SBF2: variants seen among roughly 807,000 people sequenced by gnomAD.
The protein encoded by SBF2 is myotubularin-related protein 13.
SBF2 carries 112 observed loss-of-function variants against 225.2 expected under a neutral mutation model. The ratio of observed to expected loss-of-function variants is 0.50; its 90% CI spans 0.43 to 0.58. SBF2 has a LOEUF of 0.58. Ranked by LOEUF, SBF2 falls within the 20% of genes least tolerant of loss-of-function variation. The probability of loss-of-function intolerance (pLI) is 0.00; values close to 1 mark genes in which losing one functional copy is unlikely to be tolerated. For missense variants in SBF2, 1,996 were observed against 2,206.2 expected (o/e 0.90, Z 1.91); for synonymous variants, 763 against 773.3 (o/e 0.99, Z 0.22).
chr11:10,249,793 G>T (rs1365698787), intron 1 of SBF2, among the ~76,000 whole-genome samples: 49 of 91,638 alleles, frequency 5.3e-4, no homozygotes, highest in African/African-American at 1.9e-3. Context: ...TGCTATGGGG[G>T]AGTCCATAGC....
chr11:9,894,682 T>A (rs1267064035), intron 17 of SBF2, among the ~76,000 whole-genome samples: 1 of 151,418 alleles, frequency 6.6e-6, no homozygotes, highest in East Asian at 2.0e-4. Context: ...AAACACTGCC[T>A]CAAAAAAATA....
rs181987064 is a variant in SBF2, at chr11:10,133,360, T to C, written c.141+60542A>G. 2.5e-4 allele frequency among the ~76,000 whole-genome samples: 37 copies of C among 149,434 alleles called. 2 individuals are homozygous for C. Among genetic ancestry groups the C allele is most frequent in the African/African-American group, 5.2e-4 (21 of 40,580 alleles). Reference sequence around the variant, plus strand: ...CTGGGTGCCGTGGAGCAGGGGGTGGTGCTTGTCGGGGAGGCTCGGGCCGCA... The same window carrying C: ...CTGGGTGCCGTGGAGCAGGGGGTGGCGCTTGTCGGGGAGGCTCGGGCCGCA... On this transcript the variant is annotated intron_variant, in intron 2 of 39. Coordinates refer to ENST00000256190, the MANE Select transcript of SBF2 (RefSeq NM_030962.4).
intron 2 of SBF2, among the ~76,000 whole-genome samples, chr11:10,094,660 G>A (rs1257262980): frequency 3.3e-5 from 5 of 150,614 alleles, no homozygotes; most frequent in African/African-American, 9.7e-5. Context: ...CCGCCACGAC[G>A]CCTGGCTAAT....
chr11:9,868,004 T>G (rs1264816043), intron 17 of SBF2, among the ~76,000 whole-genome samples: 3 of 152,136 alleles, frequency 2.0e-5, no homozygotes, highest in African/African-American at 7.2e-5. Flanking sequence ...TAGCTAGATT[T>G]GAAATGTTCC....
intron 16 of SBF2, among the ~76,000 whole-genome samples, chr11:9,903,047 C>T (rs577715989): frequency 9.9e-5 from 15 of 151,970 alleles, no homozygotes; most frequent in South Asian, 8.3e-4. Flanking sequence ...ATTGGCCGTG[C>T]GCGGTGACTC....
In SBF2 at chr11:9,948,790, T is replaced by G. The variant is rs1865701670; in HGVS notation, c.1860+13167A>C. ...AAAAGATAAGCATCATTAGCTTAAA[T>G]TCATCCAAAACCATATGATTCATTC... On this transcript the variant is annotated intron_variant, in intron 16 of 39. Coordinates refer to ENST00000256190, the MANE Select transcript of SBF2 (RefSeq NM_030962.4). 3.3e-5 allele frequency among the ~76,000 whole-genome samples: 5 copies of G among 152,222 alleles called. No individual in the cohort carries two copies. The South Asian group carries it at 1.0e-3, about 32-fold the overall frequency.
At chr11:10,200,335 T>G (rs1309870393) in intron 1 of SBF2, among the ~76,000 whole-genome samples, 1 of 152,226 alleles carries the variant, frequency 6.6e-6, no homozygotes. Context: ...TAGGTGCATG[T>G]TTCTCAGAAC....
intron 6 of SBF2, among the ~76,000 whole-genome samples, chr11:10,005,052 G>C (rs544022183): frequency 1.3e-5 from 2 of 152,272 alleles, no homozygotes; most frequent in Admixed American, 6.5e-5. Flanking sequence ...GTGATGGTCA[G>C]GTGATTATTA....
intron 6 of SBF2, among the ~76,000 whole-genome samples, chr11:10,017,380 A>G (rs1165255071): frequency 6.6e-6 from 1 of 152,190 alleles, no homozygotes; most frequent in African/African-American, 2.4e-5. Flanking sequence ...CCAACCCACA[A>G]CGGGGAAAAC....
At chr11:9,906,855 A>T (rs1306833417) in intron 16 of SBF2, among the ~76,000 whole-genome samples, 1 of 152,204 alleles carries the variant, frequency 6.6e-6, no homozygotes, top group Non-Finnish European at 1.5e-5. Flanking sequence ...TTCCTGCTAC[A>T]ATTGAAGAGT....
At chr11:10,056,283 C>T (rs1421840691) in intron 2 of SBF2, among the ~76,000 whole-genome samples, 8 of 152,060 alleles carry the variant, frequency 5.3e-5, no homozygotes, top group Non-Finnish European at 1.2e-4. Flanking sequence ...TGAAGAATGT[C>T]GTTGGTAGTT....
At chr11:10,180,361 G>A (rs554810685) in intron 2 of SBF2, among the ~76,000 whole-genome samples, 1 of 152,046 alleles carries the variant, frequency 6.6e-6, no homozygotes, top group South Asian at 2.1e-4. Flanking sequence ...TAGGATAAAA[G>A]CCTCTTTCCT....
At chr11:10,289,556 G>C (rs908837712) in intron 1 of SBF2, among the ~76,000 whole-genome samples, 5 of 152,110 alleles carry the variant, frequency 3.3e-5, no homozygotes, top group Admixed American at 2.0e-4. Context: ...CCCTGCCTAG[G>C]GGGGTGCCTC....
chr11:9,930,858 T>A (rs1425169663), intron 16 of SBF2, among the ~76,000 whole-genome samples: 2 of 152,202 alleles, frequency 1.3e-5, no homozygotes, highest in African/African-American at 4.8e-5. Flanking sequence ...AGGGAAGCCA[T>A]GACAGACTGC....
At chr11:10,222,348 A>AT (rs1456265472) in intron 1 of SBF2, among the ~76,000 whole-genome samples, 1 of 152,218 alleles carries the variant, frequency 6.6e-6, no homozygotes, top group African/African-American at 2.4e-5. Flanking sequence ...ATCAGCATAG[A>AT]TTTTCAAGCA....
intron 28 of SBF2, among the ~76,000 whole-genome samples, chr11:9,829,100 C>G (rs1363729788): frequency 2.0e-5 from 3 of 152,158 alleles, no homozygotes; most frequent in South Asian, 2.1e-4. Flanking sequence ...CACAGTGAGA[C>G]CCCATCTCTT....
intron 17 of SBF2, among the ~76,000 whole-genome samples, chr11:9,890,896 G>A (rs1860748179): frequency 6.6e-6 from 1 of 152,148 alleles, no homozygotes; most frequent in African/African-American, 2.4e-5. Context: ...CACTTTGGGA[G>A]GTCGAGACAG....
chr11:9,992,667 A>G, intron 11 of SBF2, 124 bp from the exon 12 acceptor site: 1 of 871,414 alleles, frequency 1.1e-6, no homozygotes. Context: ...ATATGCTGTC[A>G]TAAAATATAT....
intron 1 of SBF2, among the ~76,000 whole-genome samples, chr11:10,253,605 T>A (rs1960581868): frequency 1.3e-5 from 2 of 152,192 alleles, no homozygotes; most frequent in Non-Finnish European, 2.9e-5. Context: ...TCTGCATTAC[T>A]TTTTGCTAAA....
Sources: gnomAD v4.1 joint callset for allele counts (sites outside exome capture counted in the v4.1 genomes callset) on GRCh38, gnomAD v4.1.1 for gene constraint, MANE v1.5 for transcripts, NCBI Gene and HGNC (gene_info 2026-07-23, HGNC 2026-07-21) for gene names.